CDC5L: variants seen among roughly 807,000 people sequenced by gnomAD.
CDC5L encodes the protein cell division cycle 5 like, also known as cell division cycle 5-like protein.
A neutral mutation model predicts 104.1 loss-of-function variants in CDC5L; 18 were observed. The observed-to-expected ratio is 0.17, with a 90% CI of 0.12 to 0.26. The LOEUF (loss-of-function observed/expected upper bound fraction) is 0.26, where lower values mean the gene tolerates loss of function less well. Ranked by LOEUF, CDC5L falls within the 10% of genes least tolerant of loss-of-function variation. The pLI is 1.00. For missense variants in CDC5L, 673 were observed against 956.9 expected (o/e 0.70, Z 3.91); for synonymous variants, 331 against 322.7 (o/e 1.03, Z -0.28).
At chr6:44,418,162 C>T (rs1430760316) in intron 8 of CDC5L, among the ~76,000 whole-genome samples, 1 of 151,912 alleles carries the variant, frequency 6.6e-6, no homozygotes, top group Admixed American at 6.6e-5. Flanking sequence ...CACCCTCCAA[C>T]AGTCCCCGGA....
chr6:44,395,497 G>C (rs545977860), intron 4 of CDC5L, among the ~76,000 whole-genome samples: 47 of 152,294 alleles, frequency 3.1e-4, no homozygotes, highest in African/African-American at 1.1e-3. Flanking sequence ...TGCGAGATGG[G>C]GAATACTAAT....
chr6:44,445,945 A>C, intron 15 of CDC5L, 78 bp downstream of exon 15: 2 of 1,077,872 alleles, frequency 1.9e-6, no homozygotes, highest in Non-Finnish European at 1.4e-6. Flanking sequence ...TACTTCTCCT[A>C]TGTAGACTGT....
chr6:44,430,760 A>G (rs975024598), intron 14 of CDC5L, among the ~76,000 whole-genome samples: 2 of 151,952 alleles, frequency 1.3e-5, no homozygotes, highest in African/African-American at 4.8e-5. Context: ...TTTAGTAGAG[A>G]CAGAGTTTCA....
intron 14 of CDC5L, among the ~76,000 whole-genome samples, chr6:44,442,358 T>TTG (rs946844966): frequency 1.4e-4 from 21 of 148,566 alleles, no homozygotes; most frequent in Non-Finnish European, 2.2e-4. Flanking sequence ...CCTCTCTTGC[T>TTG]TGTGTGTGTG....
At chr6:44,422,870 A>C in intron 10 of CDC5L, 61 bp downstream of exon 10, 1 of 1,194,302 alleles carries the variant, frequency 8.4e-7, no homozygotes, top group Non-Finnish European at 1.2e-6. Flanking sequence ...TGGATGCCAA[A>C]TTAAAATTTC....
At chr6:44,423,888 T>G (rs950689781) in intron 10 of CDC5L, among the ~76,000 whole-genome samples, 1 of 152,206 alleles carries the variant, frequency 6.6e-6, no homozygotes, top group African/African-American at 2.4e-5. Flanking sequence ...CTGTTAACTT[T>G]CGGTGTCAGA....
At chr6:44,434,154 T>TA (rs1404209129) in intron 14 of CDC5L, among the ~76,000 whole-genome samples, 1 of 152,222 alleles carries the variant, frequency 6.6e-6, no homozygotes, top group Non-Finnish European at 1.5e-5. Context: ...GACATCCTGA[T>TA]ACAACCAGGT....
At chr6:44,422,120 A>ACCT (rs1313687192) in intron 9 of CDC5L, among the ~76,000 whole-genome samples, 1 of 152,232 alleles carries the variant, frequency 6.6e-6, no homozygotes, top group Non-Finnish European at 1.5e-5. Flanking sequence ...TCACTCAGGA[A>ACCT]CTTACTCATG....
chr6:44,417,172 G>T (rs1791945780), intron 8 of CDC5L, among the ~76,000 whole-genome samples: 1 of 152,120 alleles, frequency 6.6e-6, no homozygotes, highest in Non-Finnish European at 1.5e-5. Flanking sequence ...GCGGTTCTGT[G>T]TGATTTGATG....
At chr6:44,424,697 G>GA (rs2153381519) in intron 11 of CDC5L, 114 bp downstream of exon 11, 1 of 888,856 alleles carries the variant, frequency 1.1e-6, no homozygotes, top group African/African-American at 1.7e-5. Flanking sequence ...TTTTAATATT[G>GA]AAAAAACTTC....
chr6:44,396,267 C>G, intron 4 of CDC5L, 74 bp from the exon 5 acceptor site: 2 of 857,248 alleles, frequency 2.3e-6, no homozygotes, highest in Non-Finnish European at 3.7e-6. Context: ...AATAGAGTGT[C>G]TCTTACATAC....
chr6:44,439,179 A>G (rs116687674), intron 14 of CDC5L, among the ~76,000 whole-genome samples: 2,685 of 152,264 alleles, frequency 0.018, 31 homozygotes, highest in East Asian at 0.039. Context: ...GTAGTAGTAT[A>G]TATTAGTATT....
chr6:44,426,408 C>A, intron 12 of CDC5L, 74 bp from the exon 13 acceptor site: 1 of 935,770 alleles, frequency 1.1e-6, no homozygotes, highest in South Asian at 1.7e-5. Context: ...CTGTTTAATT[C>A]ATGCTGTAAC....
chr6:44,437,176 A>T (rs574291411), intron 14 of CDC5L, among the ~76,000 whole-genome samples: 7 of 152,168 alleles, frequency 4.6e-5, no homozygotes, highest in African/African-American at 1.7e-4. Flanking sequence ...GGGTGTTGGG[A>T]GGAGCTGGGC....
At chr6:44,444,557 T>C (rs11572041) in intron 14 of CDC5L, among the ~76,000 whole-genome samples, 3,003 of 152,236 alleles carry the variant, frequency 0.02, 46 homozygotes, top group South Asian at 0.072. Context: ...ATTAGCTCTC[T>C]GATGCAAGTT....
chr6:44,423,960 C>A (rs918235911), intron 10 of CDC5L, among the ~76,000 whole-genome samples: 1 of 152,010 alleles, frequency 6.6e-6, no homozygotes, highest in Non-Finnish European at 1.5e-5. Context: ...GTTGGAATAT[C>A]CCAGAGTATC....
chr6:44,422,823 C>G lies in CDC5L; in HGVS notation c.1404+14C>G, dbSNP rs143966757. On this transcript the variant is annotated intron_variant, in intron 10 of 15. Coordinates refer to ENST00000371477, the MANE Select transcript of CDC5L (RefSeq NM_001253.4). Reference sequence around the variant, plus strand: ...GTGAAGCAGATGGTAAATGTCAATTCCCTTTTAATACTCTTAAATTTTTTT... The same window carrying G: ...GTGAAGCAGATGGTAAATGTCAATTGCCTTTTAATACTCTTAAATTTTTTT... 110 of 1,579,556 alleles carry G rather than the reference C, an allele frequency of 7.0e-5. No individual in the cohort carries two copies. The African/African-American group carries it at 1.3e-3, about 19-fold the overall frequency.
intron 14 of CDC5L, among the ~76,000 whole-genome samples, chr6:44,432,619 C>T (rs1337714942): frequency 6.6e-6 from 1 of 152,046 alleles, no homozygotes; most frequent in Non-Finnish European, 1.5e-5. Flanking sequence ...AGTGAAAATC[C>T]TTAAGATACT....
At chr6:44,408,383 T>G (rs1791473582) in intron 7 of CDC5L, 61 bp from the exon 8 acceptor site, 2 of 1,336,860 alleles carry the variant, frequency 1.5e-6, no homozygotes, top group African/African-American at 1.4e-5. Flanking sequence ...ATTACAAGTG[T>G]GAGCCACTGT....
Sources: gnomAD v4.1 joint callset for allele counts (sites outside exome capture counted in the v4.1 genomes callset) on GRCh38, gnomAD v4.1.1 for gene constraint, MANE v1.5 for transcripts, NCBI Gene and HGNC (gene_info 2026-07-23, HGNC 2026-07-21) for gene names.